DVL3: variants seen among roughly 807,000 people sequenced by gnomAD.
DVL3 encodes the protein dishevelled segment polarity protein 3, also known as segment polarity protein dishevelled homolog DVL-3.
A neutral mutation model predicts 67.4 loss-of-function variants in DVL3; 27 were observed. The ratio of observed to expected loss-of-function variants is 0.40; its 90% CI spans 0.30 to 0.55. The LOEUF is 0.55. DVL3 is among the 20% of genes least tolerant of loss of function. The pLI, the probability that DVL3 is intolerant of heterozygous loss-of-function variation, is 0.46. For missense variants in DVL3, 819 were observed against 1,021.5 expected (o/e 0.80, Z 2.70); for synonymous variants, 369 against 396.8 (o/e 0.93, Z 0.83).
At chr3:184,157,834 G>A (rs1714249955) in intron 1 of DVL3, among the ~76,000 whole-genome samples, 1 of 152,166 alleles carries the variant, frequency 6.6e-6, no homozygotes, top group Non-Finnish European at 1.5e-5. Flanking sequence ...TGTATCCCCA[G>A]AAGGATAAAT....
intron 1 of DVL3, among the ~76,000 whole-genome samples, chr3:184,160,535 A>T (rs1212013474): frequency 6.7e-6 from 1 of 150,354 alleles, no homozygotes; most frequent in Non-Finnish European, 1.5e-5. Flanking sequence ...TTGGGGTATG[A>T]GTGTGTGTGT....
In DVL3 at chr3:184,169,992, C is replaced by G; in HGVS notation, c.1499-14C>G. ...CCGGAAAGACCTAGCTCCATCCGGC[C>G]CTCCCCTTCACAGACATGGCCAACC... On this transcript the variant is annotated splice_polypyrimidine_tract_variant and intron_variant, in intron 13 of 14. Transcript: ENST00000313143. The G allele has an allele frequency of 6.3e-7, 1 of 1,590,272 alleles. No homozygotes were observed. The highest frequency in any genetic ancestry group is 8.6e-7 in the Non-Finnish European group (1 of 1,164,464).
Position 184,167,796 on chromosome 3 carries a change from C to T in DVL3, c.1330+85C>T. 6.3e-7 allele frequency: 1 copy of T among 1,595,678 alleles called. No individual in the cohort carries two copies. The highest frequency in any genetic ancestry group is 8.5e-7 in the Non-Finnish European group (1 of 1,170,440). On this transcript the variant is annotated intron_variant, in intron 12 of 14. Coordinates refer to ENST00000313143, the MANE Select transcript of DVL3 (RefSeq NM_004423.4). This position sits in a 1 kb window ranked among gnomAD's most constrained non-coding sequence, Gnocchi z 4.6. ...GGAGGGCCCAGGACTTGCCTTGGAC[C>T]CTTCCTTTGATCTGGAGCCAGCCCC...
Position 184,170,916 on chromosome 3 carries a change from G to T in DVL3, c.*161G>T, listed in dbSNP as rs779285214. ...TCGCAGGGTGCTGCGAGGGTGGGGTGCACCTACCGATTGGCTCTGCAGCCC... is the reference window on the plus strand; with the variant it reads ...TCGCAGGGTGCTGCGAGGGTGGGGTTCACCTACCGATTGGCTCTGCAGCCC... On this transcript the variant is annotated 3_prime_UTR_variant, in exon 15 of 15. Transcript: ENST00000313143. This position sits in a 1 kb window ranked among gnomAD's most constrained non-coding sequence, Gnocchi z 6.5. The T allele has an allele frequency of 3.9e-6, 6 of 1,542,738 alleles. No homozygotes were observed. In the East Asian group the frequency reaches 7.4e-5, roughly 19 times the overall value.
chr3:184,168,990 C>T (rs1714701913), intron 13 of DVL3, among the ~76,000 whole-genome samples: 1 of 152,080 alleles, frequency 6.6e-6, no homozygotes, highest in Admixed American at 6.6e-5. Context: ...GGGGAGGCAC[C>T]TAAGTTGTTC....
At chr3:184,160,575 C>A (rs531597286) in intron 1 of DVL3, among the ~76,000 whole-genome samples, 49 of 152,150 alleles carry the variant, frequency 3.2e-4, no homozygotes, top group African/African-American at 1.1e-3. Context: ...AAACCCCAGC[C>A]ATTCAGCTCC....
At chr3:184,156,049 G>T (rs1011666353) in intron 1 of DVL3, among the ~76,000 whole-genome samples, 1 of 152,230 alleles carries the variant, frequency 6.6e-6, no homozygotes, top group Non-Finnish European at 1.5e-5. Context: ...GTTCCTGCCG[G>T]TGCGGTCCCC....
At chr3:184,158,173 A>G (rs1714260268) in intron 1 of DVL3, among the ~76,000 whole-genome samples, 1 of 152,098 alleles carries the variant, frequency 6.6e-6, no homozygotes, top group South Asian at 2.1e-4. Flanking sequence ...CATCTCTACA[A>G]AAAAATTTTT....
chr3:184,165,475 G>A lies in DVL3; in HGVS notation c.747G>A (p.Thr249=), dbSNP rs370863311. ...CCACCATGTCACTCAACATCATCAC[G>A]GTCACTCTCAACATGGGTGAGTCTG... ...TDSTMSLNII[T]VTLNMEKYNF... Residue 249 remains threonine (T), a synonymous_variant, in exon 7 of 15, where the codon ACG becomes ACA. Coordinates refer to ENST00000313143, the MANE Select transcript of DVL3 (RefSeq NM_004423.4). This position sits in a 1 kb window ranked among gnomAD's most constrained non-coding sequence, Gnocchi z 4.1. The A allele has an allele frequency of 1.4e-5, 22 of 1,613,884 alleles. No homozygotes were observed. Among genetic ancestry groups the A allele is most frequent in the African/African-American group, 4.0e-5 (3 of 74,882 alleles).
At chr3:184,158,370 TTAAG>T (rs1714269542) in intron 1 of DVL3, among the ~76,000 whole-genome samples, 2 of 151,160 alleles carry the variant, frequency 1.3e-5, no homozygotes, top group South Asian at 2.1e-4. Flanking sequence ...CACAGAAAGC[TTAAG>T]TAACTTGCCT....
At position 184,163,518 on chromosome 3, in the gene DVL3, A is replaced by G. The variant is rs552364631; in HGVS notation, c.162-139A>G. ...AAAGAGCTGTCTCTGGGTCTCCCCA[A>G]CCTCTGCTTTCATTTGAACAGTCTT... On this transcript the variant is annotated intron_variant, in intron 1 of 14. Coordinates refer to ENST00000313143, the MANE Select transcript of DVL3 (RefSeq NM_004423.4). The surrounding 1 kb of genome is among the most constrained non-coding windows in gnomAD (Gnocchi z 4.5). The G allele has an allele frequency of 4.4e-5, 37 of 840,316 alleles. No individual in the cohort carries two copies. The highest frequency in any genetic ancestry group is 1.0e-5 in the Non-Finnish European group (5 of 484,262). The allele number at this position is 840,316 out of a possible 1,614,324, so 52.1% of individuals were successfully genotyped here. A position where few individuals can be genotyped will look rare whatever the true frequency, so the allele number is the denominator to read the frequency against.
At position 184,172,653 on chromosome 3, in the gene DVL3, G is replaced by GA. The variant is rs1714885462; in HGVS notation, c.*1900dup. The stretch of plus-strand genomic sequence containing the variant: ...GGAGGCTGAGGCACAAGAATCGCTT[G>GA]AATCCAGGAAGCAAGCGGAGGTTGC... On this transcript the variant is annotated 3_prime_UTR_variant, in exon 15 of 15. Transcript: ENST00000313143. The GA allele has an allele frequency of 6.6e-6, 1 of 152,242 alleles. No individual in the cohort carries two copies. The highest frequency in any genetic ancestry group is 2.4e-5 in the African/African-American group (1 of 41,466). The allele number at this position is 152,242 out of a possible 1,614,324, so 9.4% of individuals were successfully genotyped here.
At chr3:184,156,543 G>T (rs1433285741) in intron 1 of DVL3, 1 of 450,164 alleles carries the variant, frequency 2.2e-6, no homozygotes, top group African/African-American at 2.0e-5. Context: ...GGATAGCCAG[G>T]AAGAGTTTCT....
intron 1 of DVL3, among the ~76,000 whole-genome samples, chr3:184,161,426 C>CA (rs578208917): frequency 3.6e-3 from 502 of 140,500 alleles, no homozygotes; most frequent in Middle Eastern, 7.4e-3. Context: ...GACTCCGTCT[C>CA]AAAAAAAAAA....
intron 1 of DVL3, among the ~76,000 whole-genome samples, chr3:184,162,274 C>T (rs890723820): frequency 6.6e-6 from 1 of 151,056 alleles, no homozygotes; most frequent in African/African-American, 2.4e-5. Flanking sequence ...AACTCCTAGG[C>T]TCAAGCGATC....
At position 184,166,733 on chromosome 3, in the gene DVL3, CCTTT is replaced by C. The variant is rs924650277; in HGVS notation, c.1048+64_1048+67del. ...GCTTACATACATGAGCACTGTCTCT[CCTTT>C]CTTCTCTCACCCAGAACCCCCATAT... On this transcript the variant is annotated intron_variant, in intron 10 of 14. Transcript: ENST00000313143. The surrounding 1 kb of genome is among the most constrained non-coding windows in gnomAD (Gnocchi z 6.7). 69 of 1,612,116 alleles carry C rather than the reference CCTTT, an allele frequency of 4.3e-5. No individual in the cohort carries two copies. Among genetic ancestry groups the C allele is most frequent in the Non-Finnish European group, 5.6e-5 (66 of 1,178,976 alleles).
At position 184,155,448 on chromosome 3, in the gene DVL3, G is replaced by T. The variant is rs1714139143; in HGVS notation, c.-188G>T. On this transcript the variant is annotated 5_prime_UTR_variant, in exon 1 of 15. Transcript: ENST00000313143. This position sits in a 1 kb window ranked among gnomAD's most constrained non-coding sequence, Gnocchi z 5.4. ...AGTCGGGAGAGTGGGGAGCGGAAGCGGCGGCCGCGGCGGCGGCGGGCGGCG... is the reference window on the plus strand; with the variant it reads ...AGTCGGGAGAGTGGGGAGCGGAAGCTGCGGCCGCGGCGGCGGCGGGCGGCG... 1 of 169,072 alleles carries T rather than the reference G, an allele frequency of 5.9e-6. No homozygotes were observed. Among genetic ancestry groups the T allele is most frequent in the South Asian group, 1.7e-4 (1 of 5,850 alleles). 10.5% of individuals were successfully genotyped at this position (169,072 alleles called of 1,614,324 possible).
At position 184,171,552 on chromosome 3, in the gene DVL3, C is replaced by T; in HGVS notation, c.*797C>T. 1.0e-6 allele frequency: 1 copy of T among 986,068 alleles called. No homozygotes were observed. Among genetic ancestry groups the T allele is most frequent in the Non-Finnish European group, 1.2e-6 (1 of 830,076 alleles). The allele number at this position is 986,068 out of a possible 1,614,324, so 61.1% of individuals were successfully genotyped here. ...TTCTTTTTTCCTCCCCCAATTTACC[C>T]TGGGCCTGGAGCAGCCAAGAATTTC... On this transcript the variant is annotated 3_prime_UTR_variant, in exon 15 of 15. Coordinates refer to ENST00000313143, the MANE Select transcript of DVL3 (RefSeq NM_004423.4).
chr3:184,164,233 G>T lies in DVL3; in HGVS notation c.232-34G>T. On this transcript the variant is annotated intron_variant, in intron 2 of 14. Coordinates refer to ENST00000313143, the MANE Select transcript of DVL3 (RefSeq NM_004423.4). This position sits in a 1 kb window ranked among gnomAD's most constrained non-coding sequence, Gnocchi z 5.3. Reference sequence around the variant, plus strand: ...CTATCCCCTTCTCCTTGATGCTCCTGTAACATACTACTCACTCAGTTTCTC... The same window carrying T: ...CTATCCCCTTCTCCTTGATGCTCCTTTAACATACTACTCACTCAGTTTCTC... 6.2e-7 allele frequency: 1 copy of T among 1,609,740 alleles called. No individual in the cohort carries two copies. The highest frequency in any genetic ancestry group is 8.5e-7 in the Non-Finnish European group (1 of 1,177,852).
Sources: gnomAD v4.1 joint callset for allele counts (sites outside exome capture counted in the v4.1 genomes callset) on GRCh38, gnomAD v4.1.1 for gene constraint, Gnocchi (gnomAD v3.1) non-coding constraint, MANE v1.5 for transcripts, NCBI Gene and HGNC (gene_info 2026-07-23, HGNC 2026-07-21) for gene names.